EDIL3: variants seen among roughly 807,000 people sequenced by gnomAD.
EDIL3 encodes EGF-like repeat and discoidin I-like domain-containing protein 3.
In EDIL3, 37 loss-of-function variants were observed where a neutral mutation model predicts 67.4. The ratio of observed to expected loss-of-function variants is 0.55; its 90% CI spans 0.42 to 0.72. EDIL3 has a LOEUF of 0.72. EDIL3 is among the 30% of genes least tolerant of loss of function. The probability of loss-of-function intolerance (pLI) is 0.00; values close to 1 mark genes in which losing one functional copy is unlikely to be tolerated. For synonymous variants in EDIL3, 195 were observed against 196.3 expected (o/e 0.99, Z 0.05); for missense variants, 527 against 586.3 (o/e 0.90, Z 1.04).
At chr5:84,111,093 C>T (rs1368378821) in intron 5 of EDIL3, among the ~76,000 whole-genome samples, 1 of 152,154 alleles carries the variant, frequency 6.6e-6, no homozygotes, top group Non-Finnish European at 1.5e-5. Context: ...GCACGTCTCT[C>T]TTCACACTCA....
At chr5:84,252,724 T>G (rs1471098220) in intron 2 of EDIL3, among the ~76,000 whole-genome samples, 1 of 152,032 alleles carries the variant, frequency 6.6e-6, no homozygotes, top group East Asian at 1.9e-4. Context: ...GACTCTAATT[T>G]TCTTCAGATA....
chr5:84,193,785 C>T (rs1358237623), intron 3 of EDIL3, among the ~76,000 whole-genome samples: 3 of 152,012 alleles, frequency 2.0e-5, no homozygotes, highest in Non-Finnish European at 4.4e-5. Context: ...ATGTTATGCT[C>T]CTGGAAATGT....
chr5:84,218,147 T>C (rs1349655211), intron 3 of EDIL3, among the ~76,000 whole-genome samples: 1 of 152,186 alleles, frequency 6.6e-6, no homozygotes, highest in African/African-American at 2.4e-5. Context: ...AGTCACTTTT[T>C]TTCCCCCAAG....
intron 1 of EDIL3, among the ~76,000 whole-genome samples, chr5:84,281,635 C>T (rs1023340974): frequency 4.6e-5 from 7 of 152,176 alleles, no homozygotes; most frequent in Admixed American, 1.3e-4. Flanking sequence ...TGTGTGTATA[C>T]TCTTGACTCC....
chr5:84,042,962 A>C (rs1746159242), intron 9 of EDIL3, among the ~76,000 whole-genome samples: 1 of 152,184 alleles, frequency 6.6e-6, no homozygotes, highest in Non-Finnish European at 1.5e-5. Flanking sequence ...TAACATAGAG[A>C]AATGAACATA....
chr5:84,001,457 A>G (rs938207684), intron 9 of EDIL3, among the ~76,000 whole-genome samples: 1 of 152,156 alleles, frequency 6.6e-6, no homozygotes, highest in African/African-American at 2.4e-5. Context: ...TAAAGATCAC[A>G]GTAGAAATAA....
intron 9 of EDIL3, among the ~76,000 whole-genome samples, chr5:83,989,161 T>C (rs1263618621): frequency 6.6e-6 from 1 of 152,194 alleles, no homozygotes; most frequent in Non-Finnish European, 1.5e-5. Flanking sequence ...CTCTGGGAAC[T>C]AAGCCTATGG....
rs34997139 is a variant in EDIL3, at chr5:84,117,020, A to ATTTTTTTTTTT, written c.470-10201_470-10191dup. ...TATGTAGTATCCAAGTTAAGTACTT[A>ATTTTTTTTTTT]TTTTTTTTTTTTTTTTTTTTTTTTT... On this transcript the variant is annotated intron_variant, in intron 5 of 10. Transcript: ENST00000296591. Among the ~76,000 whole-genome samples the ATTTTTTTTTTT allele has an allele frequency of 5.9e-4, 49 of 83,242 alleles. 2 individuals carry two copies. Among genetic ancestry groups the ATTTTTTTTTTT allele is most frequent in the Admixed American group, 1.7e-3 (9 of 5,162 alleles). 54.6% of individuals were successfully genotyped at this position (83,242 alleles called of 152,430 possible).
chr5:84,058,425 C>T (rs1561417922), intron 9 of EDIL3, among the ~76,000 whole-genome samples: 2 of 152,042 alleles, frequency 1.3e-5, no homozygotes, highest in South Asian at 2.1e-4. Flanking sequence ...AAACTAGAAA[C>T]GGAAAAGCTG....
intron 4 of EDIL3, among the ~76,000 whole-genome samples, chr5:84,162,175 G>C (rs1748623555): frequency 6.6e-6 from 1 of 152,148 alleles, no homozygotes. Flanking sequence ...GACCATTCTG[G>C]GTTCTGGATT....
chr5:83,947,965 T>C (rs1237629167), intron 10 of EDIL3, among the ~76,000 whole-genome samples: 3 of 151,900 alleles, frequency 2.0e-5, no homozygotes, highest in African/African-American at 7.2e-5. Flanking sequence ...AACATCTGTT[T>C]TAACTATGGC....
chr5:84,086,008 C>T (rs1747062312), intron 6 of EDIL3, among the ~76,000 whole-genome samples: 2 of 152,212 alleles, frequency 1.3e-5, no homozygotes, highest in African/African-American at 4.8e-5. Flanking sequence ...CTCATCCCTT[C>T]ACCAAGCTCA....
intron 4 of EDIL3, among the ~76,000 whole-genome samples, chr5:84,177,653 G>C (rs962559689): frequency 1.3e-5 from 2 of 152,086 alleles, no homozygotes; most frequent in Admixed American, 1.3e-4. Flanking sequence ...GTTAATAAGA[G>C]AAATTATGTA....
At chr5:84,023,801 G>A (rs961316462) in intron 9 of EDIL3, among the ~76,000 whole-genome samples, 1 of 151,412 alleles carries the variant, frequency 6.6e-6, no homozygotes, top group East Asian at 1.9e-4. Flanking sequence ...ACTGACATGG[G>A]GTAAAATGAC....
chr5:83,968,848 A>C (rs1040196163), intron 9 of EDIL3, among the ~76,000 whole-genome samples: 2 of 151,982 alleles, frequency 1.3e-5, no homozygotes, highest in Non-Finnish European at 2.9e-5. Flanking sequence ...AGGTAACATG[A>C]TAATTATGAA....
intron 6 of EDIL3, among the ~76,000 whole-genome samples, chr5:84,092,414 A>G (rs1166895636): frequency 1.3e-5 from 2 of 152,222 alleles, no homozygotes; most frequent in African/African-American, 4.8e-5. Context: ...TAGCAAGTAT[A>G]TTTAAAAAGT....
intron 9 of EDIL3, among the ~76,000 whole-genome samples, chr5:84,059,513 T>A (rs1398459031): frequency 1.3e-5 from 2 of 152,068 alleles, no homozygotes; most frequent in Non-Finnish European, 2.9e-5. Context: ...TTGATAGGGG[T>A]GGAATTTGCT....
In EDIL3 at chr5:84,305,676, G is replaced by A. The variant is rs529721227; in HGVS notation, c.68-51464C>T. On this transcript the variant is annotated intron_variant, in intron 1 of 10. Transcript: ENST00000296591. ...GCGCGGCTCACAAGATCAGGAGACG[G>A]AAACCATCCTGGCCAACATGGTGAA... Among the ~76,000 whole-genome samples the A allele has an allele frequency of 1.1e-4, 16 of 152,266 alleles. No homozygotes were observed. The South Asian group carries it at 2.3e-3, about 22-fold the overall frequency.
At chr5:84,010,908 A>G (rs1302644438) in intron 9 of EDIL3, among the ~76,000 whole-genome samples, 4 of 152,176 alleles carry the variant, frequency 2.6e-5, no homozygotes, top group Non-Finnish European at 1.5e-5. Context: ...CACCCAGTAC[A>G]AAGTAAATTC....
Sources: gnomAD v4.1 joint callset for allele counts (sites outside exome capture counted in the v4.1 genomes callset) on GRCh38, gnomAD v4.1.1 for gene constraint, MANE v1.5 for transcripts, NCBI Gene and HGNC (gene_info 2026-07-23, HGNC 2026-07-21) for gene names.